MACO1: variants seen among roughly 807,000 people sequenced by gnomAD.
MACO1 encodes macoilin 1, also known as macoilin.
A neutral mutation model predicts 78.7 loss-of-function variants in MACO1; 14 were observed. The ratio of observed to expected loss-of-function variants is 0.18; its 90% CI spans 0.12 to 0.28. MACO1 has a LOEUF of 0.28. MACO1 is among the 10% of genes least tolerant of loss of function. The pLI, the probability that MACO1 is intolerant of heterozygous loss-of-function variation, is 1.00. For synonymous variants in MACO1, 288 were observed against 291.6 expected (o/e 0.99, Z 0.12); for missense variants, 501 against 799.0 (o/e 0.63, Z 4.50).
chr1:25,499,240 C>G lies in MACO1; in HGVS notation c.*774C>G, dbSNP rs2043565231. ...ACCGTCATCTATCCTCTATCTGTATCAAGCTCACTGCGGATCCTGCTGTAA... is the reference window on the plus strand; with the variant it reads ...ACCGTCATCTATCCTCTATCTGTATGAAGCTCACTGCGGATCCTGCTGTAA... On this transcript the variant is annotated 3_prime_UTR_variant, in exon 11 of 11. Coordinates refer to ENST00000374343, the MANE Select transcript of MACO1 (RefSeq NM_018202.6). The G allele has an allele frequency of 1.3e-5, 2 of 152,170 alleles. No individual in the cohort carries two copies. Among genetic ancestry groups the G allele is most frequent in the South Asian group, 4.1e-4 (2 of 4,824 alleles). 9.4% of individuals were successfully genotyped at this position (152,170 alleles called of 1,614,324 possible). A position where few individuals can be genotyped will look rare whatever the true frequency, so the allele number is the denominator to read the frequency against.
Position 25,456,824 on chromosome 1 carries a change from C to T in MACO1, c.645C>T (p.Ala215=), listed in dbSNP as rs746627649. Residue 215 remains alanine (A), a synonymous_variant, in exon 5 of 11, where the codon GCC becomes GCT. Transcript: ENST00000374343. ...TGCTACAGAAGCAAGAAAAAGAGGC[C>T]GAGGAAGGTAGGTCTTTACCCTAAA... ...QQMLQKQEKE[A]EEAAKGLPDM... 56 of 1,608,312 alleles carry T rather than the reference C, an allele frequency of 3.5e-5. No homozygotes were observed. Among genetic ancestry groups the T allele is most frequent in the Non-Finnish European group, 3.6e-5 (42 of 1,178,440 alleles).
intron 1 of MACO1, among the ~76,000 whole-genome samples, chr1:25,445,293 T>C (rs2043005902): frequency 6.6e-6 from 1 of 150,458 alleles, no homozygotes; most frequent in Non-Finnish European, 1.5e-5. Context: ...CTCAAGACCC[T>C]GTCTCAAAAA....
intron 10 of MACO1, among the ~76,000 whole-genome samples, chr1:25,496,375 T>C (rs2043537243): frequency 1.3e-5 from 2 of 152,166 alleles, no homozygotes; most frequent in Non-Finnish European, 2.9e-5. Context: ...CTCGAACTCC[T>C]GGGCTCAAGC....
chr1:25,462,122 A>G (rs577413983), intron 6 of MACO1, among the ~76,000 whole-genome samples: 2 of 152,288 alleles, frequency 1.3e-5, no homozygotes, highest in South Asian at 2.1e-4. Flanking sequence ...TGTTATCCAG[A>G]TGGAGCAGCC....
intron 10 of MACO1, 79 bp downstream of exon 10, chr1:25,491,663 C>T: frequency 1.6e-6 from 2 of 1,280,158 alleles, no homozygotes; most frequent in South Asian, 1.3e-5. Flanking sequence ...CTCCTGAGAG[C>T]TCTCAACCAA....
intron 2 of MACO1, among the ~76,000 whole-genome samples, chr1:25,447,674 A>G (rs201980478): frequency 2.6e-5 from 4 of 152,314 alleles, no homozygotes; most frequent in East Asian, 1.9e-4. Context: ...AAATTCCACC[A>G]TATGCATGAG....
chr1:25,478,122 A>AT (rs1461027362), intron 6 of MACO1, among the ~76,000 whole-genome samples: 2 of 152,132 alleles, frequency 1.3e-5, no homozygotes, highest in African/African-American at 4.8e-5. Context: ...GTACAGGCCT[A>AT]TAATCCCAGC....
At chr1:25,481,368 T>G (rs1018698223) in intron 6 of MACO1, among the ~76,000 whole-genome samples, 1 of 152,124 alleles carries the variant, frequency 6.6e-6, no homozygotes, top group African/African-American at 2.4e-5. Context: ...GGAGGAACTT[T>G]AGAGTTATCA....
chr1:25,454,488 A>ATT (rs1166653485), intron 4 of MACO1, 106 bp downstream of exon 4: 1,461 of 72,262 alleles, frequency 0.02, 56 homozygotes, highest in African/African-American at 0.053. Context: ...ATATATATAT[A>ATT]TTTTTTTTTT....
At chr1:25,491,191 C>T (rs2043482390) in intron 9 of MACO1, among the ~76,000 whole-genome samples, 1 of 152,194 alleles carries the variant, frequency 6.6e-6, no homozygotes. Flanking sequence ...TTTCTAGACA[C>T]ATGCCCAGCA....
At chr1:25,481,935 G>A (rs573467662) in intron 6 of MACO1, among the ~76,000 whole-genome samples, 1 of 152,144 alleles carries the variant, frequency 6.6e-6, no homozygotes, top group Non-Finnish European at 1.5e-5. Context: ...TATGATTTGG[G>A]GTTTTGGGGG....
intron 3 of MACO1, among the ~76,000 whole-genome samples, chr1:25,449,376 C>T (rs1399746758): frequency 6.6e-6 from 1 of 152,148 alleles, no homozygotes; most frequent in Non-Finnish European, 1.5e-5. Context: ...TGATGGAAAA[C>T]CTACAGTGAC....
intron 1 of MACO1, among the ~76,000 whole-genome samples, chr1:25,438,471 G>A (rs2042939172): frequency 6.6e-6 from 1 of 152,238 alleles, no homozygotes; most frequent in Non-Finnish European, 1.5e-5. Context: ...AAACAAACCT[G>A]AGGAATAGAG....
intron 9 of MACO1, among the ~76,000 whole-genome samples, chr1:25,490,254 C>T (rs1013865961): frequency 2.0e-5 from 3 of 152,030 alleles, no homozygotes; most frequent in African/African-American, 4.8e-5. Flanking sequence ...TCAACATATC[C>T]GTAGCTCATA....
At chr1:25,487,970 G>C (rs936142662) in intron 8 of MACO1, among the ~76,000 whole-genome samples, 29 of 152,102 alleles carry the variant, frequency 1.9e-4, no homozygotes, top group Admixed American at 6.5e-5. Flanking sequence ...ATATACCCTA[G>C]GTTGTTATAA....
At position 25,498,872 on chromosome 1, in the gene MACO1, AGAT is replaced by A. The variant is rs2043561241; in HGVS notation, c.*410_*412del. Reference sequence around the variant, plus strand: ...AAAACCTGCACATTGGATTCACGTGAGATGATAATGAAAACTTTTAGTTTAAGA... The same window carrying A: ...AAAACCTGCACATTGGATTCACGTGAGATAATGAAAACTTTTAGTTTAAGA... On this transcript the variant is annotated 3_prime_UTR_variant, in exon 11 of 11. Coordinates refer to ENST00000374343, the MANE Select transcript of MACO1 (RefSeq NM_018202.6). 6.2e-6 allele frequency: 1 copy of A among 161,300 alleles called. No individual in the cohort carries two copies. Among genetic ancestry groups the A allele is most frequent in the South Asian group, 1.9e-4 (1 of 5,178 alleles). 10.0% of individuals were successfully genotyped at this position (161,300 alleles called of 1,614,324 possible).
At chr1:25,491,638 G>A in intron 10 of MACO1, 54 bp downstream of exon 10, 6 of 1,529,058 alleles carry the variant, frequency 3.9e-6, no homozygotes, top group African/African-American at 1.4e-5. Flanking sequence ...GCACAGGGAT[G>A]CACAGGCCAG....
intron 6 of MACO1, among the ~76,000 whole-genome samples, chr1:25,479,572 G>A (rs912756459): frequency 2.0e-5 from 3 of 151,992 alleles, no homozygotes; most frequent in African/African-American, 7.3e-5. Flanking sequence ...AAGCCCAGCT[G>A]CTTTTTTTGT....
chr1:25,454,663 G>A (rs2043104379), intron 4 of MACO1, among the ~76,000 whole-genome samples: 1 of 150,872 alleles, frequency 6.6e-6, no homozygotes, highest in Non-Finnish European at 1.5e-5. Flanking sequence ...TGTATTTTTA[G>A]TAGAGACAGG....
Sources: allele counts gnomAD v4.1 joint callset (sites outside exome capture counted in the v4.1 genomes callset), GRCh38; gene constraint gnomAD v4.1.1; transcripts MANE v1.5; gene names NCBI Gene and HGNC (gene_info 2026-07-23, HGNC 2026-07-21).